PMFBP1: variants seen among roughly 807,000 people sequenced by gnomAD.
PMFBP1 encodes polyamine-modulated factor 1-binding protein 1.
A neutral mutation model predicts 137.8 loss-of-function variants in PMFBP1; 131 were observed. The ratio of observed to expected loss-of-function variants is 0.95; its 90% CI spans 0.82 to 1.10. PMFBP1 has a LOEUF of 1.10. Among genes scored for constraint, PMFBP1 ranks in the 50% least tolerant of loss-of-function variants. The probability of loss-of-function intolerance (pLI) is 0.00; values close to 1 mark genes in which losing one functional copy is unlikely to be tolerated. For missense variants in PMFBP1, 1,199 were observed against 1,175.4 expected, an observed-to-expected ratio of 1.02 and a Z score of -0.29; for synonymous variants, 490 against 450.4, an observed-to-expected ratio of 1.09 and a Z score of -1.11.
At position 72,125,227 on chromosome 16, in the gene PMFBP1, C is replaced by A; in HGVS notation, c.2421+11G>T. ...CCAGGAAGGCAGCCCAAGCCCCTGG[C>A]AGCTCCTCACCTCCAGCTCACTCTC... On this transcript the variant is annotated intron_variant, in intron 16 of 20. Transcript: ENST00000237353. The A allele has an allele frequency of 6.2e-7, 1 of 1,609,816 alleles. No homozygotes were observed. Among genetic ancestry groups the A allele is most frequent in the Non-Finnish European group, 8.5e-7 (1 of 1,178,676 alleles).
the PMFBP1 span, among the ~76,000 whole-genome samples, chr16:72,215,937 T>C: frequency 1.9e-4 from 29 of 152,356 alleles, no homozygotes; most frequent in Middle Eastern, 0.01. Flanking sequence ...TGGGTGTATA[T>C]AGATGCTACT....
chr16:72,132,312 C>T (rs541915389), intron 10 of PMFBP1, among the ~76,000 whole-genome samples: 6 of 152,148 alleles, frequency 3.9e-5, no homozygotes, highest in South Asian at 2.1e-4. Context: ...TGTGGAGGGA[C>T]AAGGACATCA....
At chr16:72,175,016 C>T (rs117715539), upstream of PMFBP1, among the ~76,000 whole-genome samples, 703 of 152,306 alleles carry the variant, frequency 4.6e-3, 3 homozygotes, top group Middle Eastern at 0.01. Flanking sequence ...ACACATACCA[C>T]ACATACATAC....
At chr16:72,133,017 G>A in intron 9 of PMFBP1, 26 bp from the exon 10 acceptor site, 2 of 1,612,302 alleles carry the variant, frequency 1.2e-6, no homozygotes, top group South Asian at 1.1e-5. Context: ...TGCAAATGCT[G>A]GGAAAGGTCT....
the PMFBP1 span, among the ~76,000 whole-genome samples, chr16:72,218,276 G>C: frequency 1.3e-5 from 2 of 152,164 alleles, no homozygotes; most frequent in Admixed American, 1.3e-4. Context: ...GAATCTACCA[G>C]AAAACAGAAA....
the PMFBP1 span, among the ~76,000 whole-genome samples, chr16:72,219,552 C>CG: frequency 0.2 from 27,219 of 133,308 alleles, 3,025 homozygotes; most frequent in Non-Finnish European, 0.23. Flanking sequence ...TCAATGTGGG[C>CG]GGGGGGGCCT....
the PMFBP1 span, among the ~76,000 whole-genome samples, chr16:72,213,588 G>C: frequency 2.6e-5 from 4 of 152,204 alleles, no homozygotes; most frequent in Admixed American, 2.6e-4. Flanking sequence ...TACAGTCCTA[G>C]CTGACACCTT....
chr16:72,209,650 A>T, the PMFBP1 span, among the ~76,000 whole-genome samples: 3 of 152,272 alleles, frequency 2.0e-5, no homozygotes, highest in East Asian at 5.8e-4. Flanking sequence ...CAAATAATCT[A>T]ACCAGAGCAT....
At chr16:72,243,388 T>TG in the PMFBP1 span, among the ~76,000 whole-genome samples, 1 of 151,990 alleles carries the variant, frequency 6.6e-6, no homozygotes, top group East Asian at 1.9e-4. Context: ...GACAGGAGAG[T>TG]GGCCACTGTC....
intron 14 of PMFBP1, among the ~76,000 whole-genome samples, chr16:72,126,843 G>T (rs1032509328): frequency 6.6e-6 from 1 of 152,162 alleles, no homozygotes; most frequent in Non-Finnish European, 1.5e-5. Flanking sequence ...TGAGGTCCAG[G>T]TTCTATCATT....
chr16:72,189,209 G>T, the PMFBP1 span, among the ~76,000 whole-genome samples: 4 of 152,150 alleles, frequency 2.6e-5, no homozygotes, highest in African/African-American at 9.7e-5. Flanking sequence ...GGAAACTAAG[G>T]CACAGAGAGG....
chr16:72,158,697 A>G (rs1428093797), intron 3 of PMFBP1, among the ~76,000 whole-genome samples: 1 of 152,146 alleles, frequency 6.6e-6, no homozygotes, highest in Non-Finnish European at 1.5e-5. Flanking sequence ...TATAAATCCA[A>G]TAAAATTCTT....
chr16:72,163,295 T>C (rs2043091149), intron 3 of PMFBP1, among the ~76,000 whole-genome samples: 3 of 152,232 alleles, frequency 2.0e-5, no homozygotes, highest in Admixed American at 1.3e-4. Context: ...ATCTCCCAGA[T>C]GGCTCCCCAG....
At chr16:72,185,710 T>C in the PMFBP1 span, among the ~76,000 whole-genome samples, 1 of 152,166 alleles carries the variant, frequency 6.6e-6, no homozygotes, top group Non-Finnish European at 1.5e-5. Flanking sequence ...CACCATCTTA[T>C]CTGAAGTGAG....
At chr16:72,135,740 G>GTTT (rs869189990) in intron 9 of PMFBP1, among the ~76,000 whole-genome samples, 829 of 66,852 alleles carry the variant, frequency 0.012, 17 homozygotes, top group Middle Eastern at 0.04. Flanking sequence ...TAATTTTTCT[G>GTTT]TTTTTTTTTT....
the PMFBP1 span, among the ~76,000 whole-genome samples, chr16:72,182,063 A>G: frequency 6.6e-5 from 10 of 152,250 alleles, no homozygotes; most frequent in African/African-American, 2.4e-4. Context: ...CATGTGGCCC[A>G]TGGGCCGCTG....
At chr16:72,147,055 C>T (rs1035574191) in intron 5 of PMFBP1, among the ~76,000 whole-genome samples, 5 of 152,126 alleles carry the variant, frequency 3.3e-5, no homozygotes, top group East Asian at 3.9e-4. Flanking sequence ...AAAAAGAGCC[C>T]GCATAGCCAA....
At chr16:72,167,696 T>C (rs2043165056) in intron 2 of PMFBP1, among the ~76,000 whole-genome samples, 1 of 152,160 alleles carries the variant, frequency 6.6e-6, no homozygotes, top group Admixed American at 6.5e-5. Context: ...CACAGGACTG[T>C]CTTTCTTTGG....
the PMFBP1 span, among the ~76,000 whole-genome samples, chr16:72,210,513 G>A: frequency 6.6e-6 from 1 of 152,194 alleles, no homozygotes; most frequent in Non-Finnish European, 1.5e-5. Flanking sequence ...AAACTTCACA[G>A]TCCTGCTGGG....
Sources: allele counts gnomAD v4.1 joint callset (sites outside exome capture counted in the v4.1 genomes callset), GRCh38; gene constraint gnomAD v4.1.1; transcripts MANE v1.5; gene names NCBI Gene and HGNC (gene_info 2026-07-23, HGNC 2026-07-21).